The following COL23A1 variants were observed in gnomAD, a reference collection of about 807,000 sequenced individuals.
COL23A1 encodes the protein collagen type XXIII alpha 1 chain.
Under a neutral mutation model 99.3 loss-of-function variants are expected in COL23A1, and 97 were observed. That is an observed-to-expected ratio of 0.98 (90% CI 0.83 to 1.16). COL23A1 has a LOEUF of 1.16. Among genes scored for constraint, COL23A1 ranks in the 50% most tolerant of loss-of-function variants. The pLI is 0.00. For missense variants in COL23A1, 762 were observed against 757.4 expected (o/e 1.01, Z -0.07); for synonymous variants, 320 against 308.2 (o/e 1.04, Z -0.40).
intron 2 of COL23A1, among the ~76,000 whole-genome samples, chr5:178,528,688 T>A (rs770869982): frequency 6.6e-6 from 1 of 152,214 alleles, no homozygotes; most frequent in African/African-American, 2.4e-5. Flanking sequence ...CACGTGCCTG[T>A]AATCCCAGAT....
chr5:178,354,611 C>T (rs1761518221), intron 2 of COL23A1, among the ~76,000 whole-genome samples: 2 of 152,092 alleles, frequency 1.3e-5, no homozygotes, highest in African/African-American at 2.4e-5. Flanking sequence ...AGCACTTCAC[C>T]CTTCGCTGTC....
In COL23A1 at chr5:178,523,928, C is replaced by A. The variant is rs113493412; in HGVS notation, c.361+36754G>T. On this transcript the variant is annotated intron_variant, in intron 2 of 28. Coordinates refer to ENST00000390654, the MANE Select transcript of COL23A1 (RefSeq NM_173465.4). ...TGTCACTCACTGCAACCACTATTTC[C>A]TGAGACCTCTCCTATCTACGACCCT... Among the ~76,000 whole-genome samples, 887 of 152,284 alleles carry A rather than the reference C, an allele frequency of 5.8e-3. 4 individuals carry two copies. The highest frequency in any genetic ancestry group is 0.018 in the African/African-American group (733 of 41,542).
chr5:178,578,253 GCA>G (rs921476279), intron 1 of COL23A1, among the ~76,000 whole-genome samples: 3 of 151,698 alleles, frequency 2.0e-5, no homozygotes, highest in African/African-American at 7.3e-5. Flanking sequence ...GCACACACGT[GCA>G]CACACACCCA....
chr5:178,451,851 C>T (rs1360895966), intron 2 of COL23A1, among the ~76,000 whole-genome samples: 7 of 151,776 alleles, frequency 4.6e-5, no homozygotes, highest in African/African-American at 1.7e-4. Context: ...TTTCAATCTC[C>T]TAAGAGATGA....
chr5:178,416,132 T>TGGTG (rs934142394), intron 2 of COL23A1, among the ~76,000 whole-genome samples: 1 of 152,214 alleles, frequency 6.6e-6, no homozygotes, highest in African/African-American at 2.4e-5. Context: ...GACTACATAC[T>TGGTG]GGTGACCTAC....
intron 2 of COL23A1, among the ~76,000 whole-genome samples, chr5:178,358,016 ATGTGTGTGTATGCGTATG>A (rs1761824949): frequency 9.8e-6 from 1 of 101,994 alleles, no homozygotes. Flanking sequence ...ATGTGTGTGT[ATGTGTGTGTATGCGTATG>A]TGTATGTGTA....
intron 2 of COL23A1, among the ~76,000 whole-genome samples, chr5:178,512,087 A>G (rs1332742985): frequency 6.6e-6 from 1 of 152,246 alleles, no homozygotes; most frequent in Non-Finnish European, 1.5e-5. Flanking sequence ...CGGAAATGGG[A>G]TATATGAACA....
chr5:178,551,730 C>G lies in COL23A1; in HGVS notation c.361+8952G>C, dbSNP rs141312029. Among the ~76,000 whole-genome samples the G allele has an allele frequency of 2.2e-3, 334 of 152,310 alleles. 4 individuals are homozygous for G. Among genetic ancestry groups the G allele is most frequent in the Admixed American group, 0.018 (273 of 15,302 alleles). On this transcript the variant is annotated intron_variant, in intron 2 of 28. Transcript: ENST00000390654. ...TGGATTTAGGGGATGCTGCAGTGAA[C>G]CAGGCAAGCTGTCTCCTGCCCTGAG...
chr5:178,353,803 A>G lies in COL23A1; in HGVS notation c.362-46884T>C, dbSNP rs116968059. ...CTACATCTAGGAATTTATCCCTCCCATGCACTCACCCCAGTGTCATTTAAC... is the reference window on the plus strand; with the variant it reads ...CTACATCTAGGAATTTATCCCTCCCGTGCACTCACCCCAGTGTCATTTAAC... On this transcript the variant is annotated intron_variant, in intron 2 of 28. Transcript: ENST00000390654. Among the ~76,000 whole-genome samples, 109 of 152,224 alleles carry G rather than the reference A, an allele frequency of 7.2e-4. No individual in the cohort carries two copies. The East Asian group carries it at 0.02, about 28-fold the overall frequency.
At position 178,239,174 on chromosome 5, in the gene COL23A1, G is replaced by C. The variant is rs751088567; in HGVS notation, c.1587C>G (p.Pro529=). 6.2e-7 allele frequency: 1 copy of C among 1,614,044 alleles called. No individual in the cohort carries two copies. The highest frequency in any genetic ancestry group is 8.5e-7 in the Non-Finnish European group (1 of 1,179,966). The part of the protein sequence containing the change: ...PGLDQPCPVG[P]DGLPVPGCWH... ...AGCAGCCAGGCACAGGCAGCCCGTC[G>C]GGGCCCTGGAAAGGAAGAAGGTTTC... Residue 529 remains proline, a synonymous_variant, in exon 28 of 29, where the codon CCC becomes CCG. Transcript: ENST00000390654.
At chr5:178,405,410 G>A (rs1764709081) in intron 2 of COL23A1, among the ~76,000 whole-genome samples, 1 of 152,138 alleles carries the variant, frequency 6.6e-6, no homozygotes, top group African/African-American at 2.4e-5. Flanking sequence ...ATAGTTTTAG[G>A]AGATTGTAAA....
intron 2 of COL23A1, among the ~76,000 whole-genome samples, chr5:178,533,516 G>C (rs1180765171): frequency 6.6e-6 from 1 of 151,814 alleles, no homozygotes; most frequent in East Asian, 1.9e-4. Flanking sequence ...TCTTTTTTTT[G>C]AGACACGGTC....
chr5:178,404,551 CT>C (rs1253971369), intron 2 of COL23A1, among the ~76,000 whole-genome samples: 1 of 60,240 alleles, frequency 1.7e-5, no homozygotes, highest in Non-Finnish European at 2.3e-5. Context: ...GGAAATACAG[CT>C]GATTCCTTAT....
At chr5:178,362,935 AC>A (rs1391519950) in intron 2 of COL23A1, among the ~76,000 whole-genome samples, 1 of 10,570 alleles carries the variant, frequency 9.5e-5, no homozygotes, top group African/African-American at 4.7e-4. Context: ...ACAGCAACCC[AC>A]CCCCACAGCA....
At position 178,562,351 on chromosome 5, in the gene COL23A1, G is replaced by A. The variant is rs1762612149; in HGVS notation, c.295-1603C>T. 7.8e-5 allele frequency: 17 copies of A among 217,614 alleles called. 1 individual carries two copies. In the South Asian group the frequency reaches 9.3e-4, roughly 12 times the overall value. The allele number at this position is 217,614 out of a possible 1,614,324, so 13.5% of individuals were successfully genotyped here. ...CGGCGGATCACGAGGTCAGGAGATCGAGACCATCCTGGCTAACATGGTGAA... is the reference window on the plus strand; with the variant it reads ...CGGCGGATCACGAGGTCAGGAGATCAAGACCATCCTGGCTAACATGGTGAA... On this transcript the variant is annotated intron_variant, in intron 1 of 28. Transcript: ENST00000390654.
intron 2 of COL23A1, among the ~76,000 whole-genome samples, chr5:178,399,243 G>A (rs531697959): frequency 1.2e-4 from 19 of 152,302 alleles, no homozygotes; most frequent in African/African-American, 4.3e-4. Flanking sequence ...CCTCCCTCAC[G>A]TGCTGGGGAG....
intron 8 of COL23A1, among the ~76,000 whole-genome samples, chr5:178,264,644 C>T (rs1405691195): frequency 6.6e-6 from 1 of 152,084 alleles, no homozygotes; most frequent in Admixed American, 6.6e-5. Context: ...GCAAGGATAT[C>T]CTGAAGATGT....
intron 2 of COL23A1, among the ~76,000 whole-genome samples, chr5:178,323,304 C>A (rs1759450335): frequency 6.6e-6 from 1 of 152,122 alleles, no homozygotes; most frequent in Admixed American, 6.5e-5. Context: ...TTTCCAGACC[C>A]ATTTCATTGC....
intron 2 of COL23A1, among the ~76,000 whole-genome samples, chr5:178,357,778 A>ATGTGTATGTGTG (rs1208089062): frequency 6.5e-5 from 9 of 137,490 alleles, no homozygotes; most frequent in African/African-American, 1.9e-4. Flanking sequence ...GTATGTGTGT[A>ATGTGTATGTGTG]TGTGTATGTG....
Sources: allele counts gnomAD v4.1 joint callset (sites outside exome capture counted in the v4.1 genomes callset), GRCh38; gene constraint gnomAD v4.1.1; transcripts MANE v1.5; gene names NCBI Gene and HGNC (gene_info 2026-07-23, HGNC 2026-07-21).